CUL2: variants seen among roughly 807,000 people sequenced by gnomAD.
CUL2 encodes cullin-2.
A neutral mutation model predicts 110.2 loss-of-function variants in CUL2; 22 were observed. The ratio of observed to expected loss-of-function variants is 0.20; its 90% confidence interval spans 0.14 to 0.28. The LOEUF is 0.28. Ranked by LOEUF, CUL2 falls within the 10% of genes least tolerant of loss-of-function variation. The pLI, the probability that CUL2 is intolerant of heterozygous loss-of-function variation, is 1.00. For synonymous variants in CUL2, 279 were observed against 293.2 expected (o/e 0.95, Z 0.49); for missense variants, 631 against 905.5 (o/e 0.70, Z 3.89).
chr10:35,088,531 T>C (rs1589053512), intron 1 of CUL2, among the ~76,000 whole-genome samples: 1 of 138,644 alleles, frequency 7.2e-6, no homozygotes, highest in African/African-American at 2.7e-5. Flanking sequence ...AGAAATGTAA[T>C]GTGTCTTGTT....
At chr10:35,084,171 G>A (rs2087006222) in intron 1 of CUL2, among the ~76,000 whole-genome samples, 1 of 152,136 alleles carries the variant, frequency 6.6e-6, no homozygotes, top group Non-Finnish European at 1.5e-5. Context: ...CAGCTACTTG[G>A]GAGGCTGAGG....
chr10:35,073,983 A>T (rs895644470), intron 1 of CUL2: 3 of 700,438 alleles, frequency 4.3e-6, no homozygotes, highest in Non-Finnish European at 7.8e-6. Context: ...AAGCTATGTA[A>T]TGGTGGCATC....
At chr10:35,122,921 C>T (rs933070510) in intron 1 of CUL2, among the ~76,000 whole-genome samples, 3 of 152,164 alleles carry the variant, frequency 2.0e-5, no homozygotes, top group Non-Finnish European at 2.9e-5. Context: ...GAATTATAGG[C>T]GTGGGCCACT....
chr10:35,084,949 C>G (rs2087024698), intron 1 of CUL2, among the ~76,000 whole-genome samples: 2 of 151,902 alleles, frequency 1.3e-5, no homozygotes, highest in Non-Finnish European at 2.9e-5. Flanking sequence ...GAAACCCCGT[C>G]TCTACTAAAA....
At chr10:35,027,201 G>A (rs1445279949) in intron 16 of CUL2, among the ~76,000 whole-genome samples, 1 of 146,200 alleles carries the variant, frequency 6.8e-6, no homozygotes, top group Non-Finnish European at 1.5e-5. Context: ...CTAAAGTGCA[G>A]TGGCGCAAAC....
chr10:35,080,889 AG>A (rs1220984023), intron 1 of CUL2, among the ~76,000 whole-genome samples: 2 of 152,128 alleles, frequency 1.3e-5, no homozygotes, highest in Admixed American at 1.3e-4. Context: ...GGTGGGGAGT[AG>A]GGAATGTATT....
intron 2 of CUL2, 91 bp from the exon 3 acceptor site, chr10:35,063,153 C>A (rs927440690): frequency 1.9e-5 from 14 of 750,374 alleles, no homozygotes; most frequent in Non-Finnish European, 2.7e-5. Flanking sequence ...AATGAAAAAA[C>A]ATTTCTTTTT....
At chr10:35,106,591 C>T (rs1008506341) in intron 1 of CUL2, among the ~76,000 whole-genome samples, 2 of 151,838 alleles carry the variant, frequency 1.3e-5, no homozygotes, top group Non-Finnish European at 2.9e-5. Context: ...CTCGGCCTCC[C>T]AAAGTGCTGG....
chr10:35,049,489 G>GA (rs761056785), intron 6 of CUL2, among the ~76,000 whole-genome samples, 194 bp downstream of exon 6: 4 of 131,158 alleles, frequency 3.0e-5, no homozygotes, highest in Non-Finnish European at 3.3e-5. Context: ...CCACCAAAAA[G>GA]AAAAAAAAAG....
intron 1 of CUL2, among the ~76,000 whole-genome samples, chr10:35,105,429 A>C (rs2087441860): frequency 6.7e-6 from 1 of 150,238 alleles, no homozygotes; most frequent in Non-Finnish European, 1.5e-5. Flanking sequence ...CCGTTTCAAA[A>C]AACAAAAAAC....
At chr10:35,015,945 T>C (rs1313698598) in intron 18 of CUL2, among the ~76,000 whole-genome samples, 1 of 152,190 alleles carries the variant, frequency 6.6e-6, no homozygotes, top group Non-Finnish European at 1.5e-5. Context: ...CTTTTACAAT[T>C]ATTCAATAAG....
intron 1 of CUL2, among the ~76,000 whole-genome samples, chr10:35,085,426 T>TCC (rs200566199): frequency 2.3e-4 from 33 of 142,494 alleles, no homozygotes; most frequent in African/African-American, 5.5e-4. Flanking sequence ...CGAGACACCG[T>TCC]CCCAAAAAAA....
chr10:35,082,717 T>C (rs952032031), intron 1 of CUL2, among the ~76,000 whole-genome samples: 3 of 152,194 alleles, frequency 2.0e-5, no homozygotes, highest in African/African-American at 7.2e-5. Flanking sequence ...GATGACAAAA[T>C]ACTATTTTTG....
At chr10:35,033,968 A>C (rs774284479) in intron 10 of CUL2, among the ~76,000 whole-genome samples, 8 of 152,216 alleles carry the variant, frequency 5.3e-5, no homozygotes, top group Non-Finnish European at 8.8e-5. Flanking sequence ...AAGTCACTAA[A>C]GGCTGAGAGA....
At chr10:35,078,852 T>A (rs2135029341) in intron 1 of CUL2, among the ~76,000 whole-genome samples, 1 of 152,298 alleles carries the variant, frequency 6.6e-6, no homozygotes, top group Non-Finnish European at 1.5e-5. Context: ...GCAGCACCAA[T>A]AAAAATTTGG....
chr10:35,041,515 C>T (rs1179365542), intron 8 of CUL2, among the ~76,000 whole-genome samples: 1 of 150,962 alleles, frequency 6.6e-6, no homozygotes, highest in Non-Finnish European at 1.5e-5. Context: ...TATGGTCCAA[C>T]ATTATTTCCT....
intron 8 of CUL2, among the ~76,000 whole-genome samples, chr10:35,042,689 C>T (rs978037978): frequency 6.6e-6 from 1 of 152,148 alleles, no homozygotes; most frequent in Non-Finnish European, 1.5e-5. Flanking sequence ...CAGACCTTCC[C>T]TTATGTGTCT....
Position 35,009,974 on chromosome 10 carries a change from T to A in CUL2, c.*337A>T. On this transcript the variant is annotated 3_prime_UTR_variant, in exon 21 of 21. Transcript: ENST00000374749. ...ACAATATTTAAGTTTTTAAATTTTA[T>A]GTCCTTTAAGATACATTAAAAAAAA... 6.5e-6 allele frequency: 1 copy of A among 152,882 alleles called. No individual in the cohort carries two copies. Among genetic ancestry groups the A allele is most frequent in the Non-Finnish European group, 1.4e-5 (1 of 70,044 alleles). The allele number at this position is 152,882 out of a possible 1,614,324, so 9.5% of individuals were successfully genotyped here.
chr10:35,109,004 G>A, intron 1 of CUL2, among the ~76,000 whole-genome samples: 1 of 152,176 alleles, frequency 6.6e-6, no homozygotes. Flanking sequence ...CCTGCGCTCA[G>A]GAGTTGGAGA....
Sources: gnomAD v4.1 joint callset for allele counts (sites outside exome capture counted in the v4.1 genomes callset) on GRCh38, gnomAD v4.1.1 for gene constraint, MANE v1.5 for transcripts, NCBI Gene and HGNC (gene_info 2026-07-23, HGNC 2026-07-21) for gene names.